TP63: variants seen among roughly 807,000 people sequenced by gnomAD.
The protein encoded by TP63 is tumor protein 63.
A neutral mutation model predicts 82.8 loss-of-function variants in TP63; 17 were observed. The observed-to-expected ratio is 0.21, with a 90% CI of 0.14 to 0.31. The LOEUF is 0.31. Among genes scored for constraint, TP63 ranks in the 10% least tolerant of loss-of-function variants. The pLI is 1.00. For synonymous variants in TP63, 330 were observed against 321.7 expected (o/e 1.03, Z -0.28); for missense variants, 648 against 895.3 (o/e 0.72, Z 3.52).
intron 1 of TP63, among the ~76,000 whole-genome samples, chr3:189,672,485 C>A (rs1351911941): frequency 6.6e-6 from 1 of 151,786 alleles, no homozygotes; most frequent in Non-Finnish European, 1.5e-5. Context: ...GACTGTAGTC[C>A]CAGCTACTAG....
chr3:189,890,445 G>A (rs1044353372), intron 12 of TP63, among the ~76,000 whole-genome samples: 4 of 152,158 alleles, frequency 2.6e-5, no homozygotes, highest in Non-Finnish European at 4.4e-5. Flanking sequence ...GTAGAGCCAA[G>A]CAGCAAGAAA....
At chr3:189,771,776 T>A (rs1316822591) in intron 3 of TP63, among the ~76,000 whole-genome samples, 1 of 152,114 alleles carries the variant, frequency 6.6e-6, no homozygotes, top group Non-Finnish European at 1.5e-5. Context: ...CTGAGCAGTG[T>A]CTGCTAATGT....
At chr3:189,603,799 T>C in the TP63 span, among the ~76,000 whole-genome samples, 1 of 151,772 alleles carries the variant, frequency 6.6e-6, no homozygotes, top group Non-Finnish European at 1.5e-5. Context: ...TATACATCCC[T>C]CAAGTCCCAA....
At position 189,894,871 on chromosome 3, in the gene TP63, GT is replaced by G. The variant is rs1416874739; in HGVS notation, c.*370del. On this transcript the variant is annotated 3_prime_UTR_variant, in exon 14 of 14. Coordinates refer to ENST00000264731, the MANE Select transcript of TP63 (RefSeq NM_003722.5). The stretch of plus-strand genomic sequence containing the variant: ...ATAAATATACAGTATAGATTTTTGG[GT>G]GGGGGGCATTGAGTATTGTTTAAAA... The G allele has an allele frequency of 4.3e-6, 1 of 235,292 alleles. No homozygotes were observed. The highest frequency in any genetic ancestry group is 2.2e-5 in the African/African-American group (1 of 45,052). The allele number at this position is 235,292 out of a possible 1,614,324, so 14.6% of individuals were successfully genotyped here.
chr3:189,744,686 C>T (rs1179166645), intron 3 of TP63, among the ~76,000 whole-genome samples: 3 of 152,232 alleles, frequency 2.0e-5, no homozygotes, highest in African/African-American at 7.2e-5. Context: ...AGAGGGTTGT[C>T]TTGCCACTGC....
At chr3:189,890,971 T>C (rs1366466809) in intron 13 of TP63, 89 bp downstream of exon 13, 1 of 1,346,380 alleles carries the variant, frequency 7.4e-7, no homozygotes, top group Admixed American at 1.9e-5. Context: ...CCTGATAGTT[T>C]AAAAATTTGT....
intron 3 of TP63, among the ~76,000 whole-genome samples, chr3:189,757,567 A>G (rs978369089): frequency 6.6e-6 from 1 of 152,238 alleles, no homozygotes; most frequent in Admixed American, 6.5e-5. Context: ...ATTTGGAAAC[A>G]GTGAATTATT....
At chr3:189,658,464 T>G (rs1713583930) in intron 1 of TP63, among the ~76,000 whole-genome samples, 1 of 152,000 alleles carries the variant, frequency 6.6e-6, no homozygotes, top group African/African-American at 2.4e-5. Flanking sequence ...TGAGAAACTT[T>G]GCAAACACTC....
Position 189,761,882 on chromosome 3 carries a change from G to A in TP63, c.324+23108G>A, listed in dbSNP as rs186750086. ...CATCTTATGTGGATGGCAGCAGGCA[G>A]AGAGAGCTTGTGCAGAGAAACCCCC... is the stretch of plus-strand genomic sequence containing the variant. On this transcript the variant is annotated intron_variant, in intron 3 of 13. Coordinates refer to ENST00000264731, the MANE Select transcript of TP63 (RefSeq NM_003722.5). 6.2e-3 allele frequency among the ~76,000 whole-genome samples: 938 copies of A among 152,322 alleles called. 8 individuals carry two copies. The highest frequency in any genetic ancestry group is 0.018 in the African/African-American group (746 of 41,566).
At chr3:189,707,126 A>G (rs1308956594) in intron 1 of TP63, among the ~76,000 whole-genome samples, 3 of 152,224 alleles carry the variant, frequency 2.0e-5, no homozygotes, top group Non-Finnish European at 4.4e-5. Context: ...TTAATAGTAC[A>G]GTTTTATGAT....
chr3:189,766,566 C>T (rs1261953859), intron 3 of TP63, among the ~76,000 whole-genome samples: 1 of 151,882 alleles, frequency 6.6e-6, no homozygotes, highest in African/African-American at 2.4e-5. Flanking sequence ...CATGCTGCCT[C>T]TGTCTTCCTC....
Position 189,853,965 on chromosome 3 carries a change from AT to A in TP63, c.580-10260del, listed in dbSNP as rs111673387. ...GTGAGCAACTTGAGGATAAAGATCG[AT>A]TTTTTTCTTTCAATTTATTTTATAT... On this transcript the variant is annotated intron_variant, in intron 4 of 13. Coordinates refer to ENST00000264731, the MANE Select transcript of TP63 (RefSeq NM_003722.5). 3.0e-4 allele frequency among the ~76,000 whole-genome samples: 46 copies of A among 152,148 alleles called. No homozygotes were observed. In the Middle Eastern group the frequency reaches 0.01, roughly 34 times the overall value.
intron 1 of TP63, among the ~76,000 whole-genome samples, chr3:189,656,942 G>T: frequency 8.3e-5 from 2 of 24,138 alleles, no homozygotes; most frequent in Non-Finnish European, 4.4e-4. Flanking sequence ...CAACAAGTGA[G>T]TGAATAAACT....
At chr3:189,792,450 T>C (rs1217643327) in intron 3 of TP63, among the ~76,000 whole-genome samples, 3 of 152,046 alleles carry the variant, frequency 2.0e-5, no homozygotes, top group Non-Finnish European at 4.4e-5. Context: ...GCTGTGTGTG[T>C]GGTGTAAGTG....
chr3:189,738,928 G>A, intron 3 of TP63, 154 bp downstream of exon 3: 1 of 1,182,388 alleles, frequency 8.5e-7, no homozygotes, highest in Non-Finnish European at 1.2e-6. Context: ...AGAAGATTTG[G>A]TGTGGATTAT....
intron 1 of TP63, among the ~76,000 whole-genome samples, chr3:189,643,992 C>T (rs904852634): frequency 2.6e-5 from 4 of 152,178 alleles, no homozygotes; most frequent in African/African-American, 7.2e-5. Context: ...TTCCTCTTTA[C>T]TGTGGCATCT....
At chr3:189,831,974 G>T (rs2108709275) in intron 4 of TP63, among the ~76,000 whole-genome samples, 1 of 151,690 alleles carries the variant, frequency 6.6e-6, no homozygotes, top group Non-Finnish European at 1.5e-5. Context: ...TGGGATTATA[G>T]GCATGCACCA....
At chr3:189,768,639 A>G (rs1403396201) in intron 3 of TP63, among the ~76,000 whole-genome samples, 1 of 152,170 alleles carries the variant, frequency 6.6e-6, no homozygotes, top group African/African-American at 2.4e-5. Context: ...TCCAAAACGT[A>G]TGCACTGCAA....
intron 4 of TP63, among the ~76,000 whole-genome samples, chr3:189,854,740 G>A (rs76222178): frequency 0.047 from 7,210 of 152,228 alleles, 216 homozygotes; most frequent in South Asian, 0.1. Flanking sequence ...GTAAAAAAGC[G>A]AGAAAGGGCT....
Sources: allele counts gnomAD v4.1 joint callset (sites outside exome capture counted in the v4.1 genomes callset), GRCh38; gene constraint gnomAD v4.1.1; transcripts MANE v1.5; gene names NCBI Gene and HGNC (gene_info 2026-07-23, HGNC 2026-07-21).